LMBR1: variants seen among roughly 807,000 people sequenced by gnomAD.
The protein encoded by LMBR1 is limb development membrane protein 1.
In LMBR1, 52 loss-of-function variants were observed where a neutral mutation model predicts 73.9. The observed-to-expected ratio is 0.70, with a 90% CI of 0.56 to 0.89. The LOEUF is 0.89. LMBR1 is among the 40% of genes least tolerant of loss of function. The pLI, the probability that LMBR1 is intolerant of heterozygous loss-of-function variation, is 0.00. For synonymous variants in LMBR1, 215 were observed against 209.4 expected (o/e 1.03, Z -0.23); for missense variants, 539 against 579.8 (o/e 0.93, Z 0.72).
Position 156,833,753 on chromosome 7 carries a change from G to A in LMBR1, c.179C>T (p.Ser60Leu), listed in dbSNP as rs765557728. ...EDEDAIVNRI[S>L]LFLSTFTLAV... ...AACAACTGAACTTTAAAATACATACGAAATCCTGTTGACGATGGCATCTTC... is the reference window on the plus strand; with the variant it reads ...AACAACTGAACTTTAAAATACATACAAAATCCTGTTGACGATGGCATCTTC... Residue 60 changes from serine (S) to leucine (L), a missense_variant and splice_region_variant, in exon 3 of 17, where the codon TCG becomes TTG. Around this residue, in one of 3 missense-constraint regions of LMBR1, gnomAD observed 454 missense variants for 473.4 expected, o/e 0.96. Transcript: ENST00000353442. The A allele has an allele frequency of 5.6e-6, 9 of 1,596,986 alleles. No individual in the cohort carries two copies. The highest frequency in any genetic ancestry group is 7.7e-6 in the Non-Finnish European group (9 of 1,171,138).
intron 4 of LMBR1, among the ~76,000 whole-genome samples, chr7:156,805,391 T>C (rs1831844583): frequency 6.6e-6 from 1 of 152,052 alleles, no homozygotes; most frequent in Non-Finnish European, 1.5e-5. Flanking sequence ...AATTTTTGTA[T>C]TTTTAGTAGA....
chr7:156,774,657 C>A (rs1438731290), intron 5 of LMBR1, among the ~76,000 whole-genome samples: 1 of 152,054 alleles, frequency 6.6e-6, no homozygotes, highest in Non-Finnish European at 1.5e-5. Context: ...CATGGTGAAA[C>A]CTCATCTCTA....
chr7:156,871,481 A>C (rs146133901), intron 1 of LMBR1, among the ~76,000 whole-genome samples: 24 of 152,360 alleles, frequency 1.6e-4, no homozygotes, highest in African/African-American at 5.8e-4. Context: ...CCAGACAAAG[A>C]AGCCATAAGA....
intron 1 of LMBR1, among the ~76,000 whole-genome samples, chr7:156,862,432 G>A (rs140901481): frequency 2.4e-3 from 358 of 151,200 alleles, no homozygotes; most frequent in Non-Finnish European, 4.2e-3. Context: ...ACAGCCAAAC[G>A]ATATTGTGGA....
chr7:156,739,479 G>A (rs934105509), intron 9 of LMBR1, among the ~76,000 whole-genome samples: 4 of 152,166 alleles, frequency 2.6e-5, no homozygotes, highest in Admixed American at 6.5e-5. Flanking sequence ...GTTTACAGTG[G>A]GCTTTGAGTG....
chr7:156,798,115 G>T (rs112244013), intron 4 of LMBR1, among the ~76,000 whole-genome samples: 4,841 of 152,264 alleles, frequency 0.032, 124 homozygotes, highest in South Asian at 0.085. Context: ...AGACCTGGGT[G>T]CACGTCCTGC....
rs540633011 is a variant in LMBR1 at position 156,841,072 on chromosome 7, G to A, written c.67-4187C>T. ...TGCAGGAAGCCGAGAGCAGCCACTCGGACCTGTGCAAGGAGGTGCTCAGAA... is the reference window on the plus strand; with the variant it reads ...TGCAGGAAGCCGAGAGCAGCCACTCAGACCTGTGCAAGGAGGTGCTCAGAA... On this transcript the variant is annotated intron_variant, in intron 1 of 16. Transcript: ENST00000353442. 6.6e-5 allele frequency among the ~76,000 whole-genome samples: 10 copies of A among 151,958 alleles called. 1 individual carries two copies. Among genetic ancestry groups the A allele is most frequent in the African/African-American group, 1.9e-4 (8 of 41,422 alleles).
intron 4 of LMBR1, among the ~76,000 whole-genome samples, chr7:156,801,332 A>AT (rs1435556230): frequency 1.3e-5 from 2 of 152,194 alleles, no homozygotes; most frequent in Non-Finnish European, 2.9e-5. Flanking sequence ...AATTGTTACC[A>AT]TTTTTTAGCA....
chr7:156,778,548 A>C (rs560572780), intron 5 of LMBR1, among the ~76,000 whole-genome samples: 144 of 152,374 alleles, frequency 9.5e-4, no homozygotes, highest in African/African-American at 3.2e-3. Context: ...TGTTCATTAA[A>C]TGCAAGGTGG....
Position 156,698,488 on chromosome 7 carries a change from T to C in LMBR1, c.1226-10297A>G, listed in dbSNP as rs1225488762. ...ACTTCTGCCTGGGAACCCAGGTGTT[T>C]CCATACATCTTCTGAAATCTAGGTG... is the stretch of plus-strand genomic sequence containing the variant. On this transcript the variant is annotated intron_variant, in intron 15 of 16. Transcript: ENST00000353442. Among the ~76,000 whole-genome samples the C allele has an allele frequency of 2.0e-5, 3 of 152,130 alleles. No individual in the cohort carries two copies. In the East Asian group the frequency reaches 5.8e-4, roughly 29 times the overall value.
chr7:156,670,712 G>A lies in LMBR1; in HGVS notation n.867-1425C>T, dbSNP rs1251120203. 6.6e-6 allele frequency among the ~76,000 whole-genome samples: 1 copy of A among 152,172 alleles called. No homozygotes were observed. Among genetic ancestry groups the A allele is most frequent in the Non-Finnish European group, 1.5e-5 (1 of 68,036 alleles). The stretch of plus-strand genomic sequence containing the variant: ...GAGATGGCATCTCCGTGTGTCGGGA[G>A]AGACCTAACCGCCAGTCTAGACTCC... On this transcript the variant is annotated intron_variant and non_coding_transcript_variant, in intron 4 of 4. Transcript: ENST00000430825. The surrounding 1 kb of genome is among the most constrained non-coding windows in gnomAD (Gnocchi z 4.3).
chr7:156,725,492 A>G lies in LMBR1; in HGVS notation c.1101T>C (p.Tyr367=). ...YLMVSSVVGF[Y]SLRFFGNFTP... ...TAAAGTTTCCAAAAAATCGAAGGCT[A>G]TAGAAGCCGACAACAGAGGACACCA... Residue 367 remains tyrosine (Y), a synonymous_variant, in exon 14 of 17, where the codon TAT becomes TAC. Transcript: ENST00000353442. The G allele has an allele frequency of 1.9e-6, 3 of 1,610,588 alleles. No homozygotes were observed. Among genetic ancestry groups the G allele is most frequent in the Non-Finnish European group, 2.5e-6 (3 of 1,177,854 alleles).
downstream of LMBR1, chr7:156,676,242 T>C (rs923546247): frequency 6.4e-5 from 96 of 1,501,012 alleles, no homozygotes; most frequent in Admixed American, 2.0e-3. Flanking sequence ...AGTATATGTG[T>C]GTGTATATAT....
At chr7:156,673,603 C>A (rs1563099659), downstream of LMBR1, among the ~76,000 whole-genome samples, 1 of 152,158 alleles carries the variant, frequency 6.6e-6, no homozygotes, top group Non-Finnish European at 1.5e-5. Context: ...TCCCAAAACA[C>A]AGGTGCCTGG....
At chr7:156,735,480 T>G (rs1218616326) in intron 9 of LMBR1, among the ~76,000 whole-genome samples, 1 of 151,944 alleles carries the variant, frequency 6.6e-6, no homozygotes, top group Non-Finnish European at 1.5e-5. Flanking sequence ...CCTGTTAAAT[T>G]CTGAAACAGA....
intron 14 of LMBR1, among the ~76,000 whole-genome samples, chr7:156,725,048 A>C (rs73166110): frequency 0.035 from 5,284 of 152,228 alleles, 139 homozygotes; most frequent in Non-Finnish European, 0.045. Flanking sequence ...TAATTATTCA[A>C]ATTTGAAATA....
At chr7:156,730,923 C>T (rs1035073461) in intron 10 of LMBR1, among the ~76,000 whole-genome samples, 16 of 149,686 alleles carry the variant, frequency 1.1e-4, no homozygotes, top group South Asian at 4.2e-4. Flanking sequence ...GCAACAAGAG[C>T]GAAACTCCAT....
intron 15 of LMBR1, among the ~76,000 whole-genome samples, chr7:156,718,896 G>T (rs1264741657): frequency 6.6e-6 from 1 of 151,246 alleles, no homozygotes; most frequent in African/African-American, 2.4e-5. Flanking sequence ...AATTTAATTG[G>T]ATTAAAAACT....
chr7:156,866,996 G>C (rs1274636699), intron 1 of LMBR1, among the ~76,000 whole-genome samples: 2 of 152,048 alleles, frequency 1.3e-5, no homozygotes, highest in Non-Finnish European at 2.9e-5. Flanking sequence ...ACTTTGTTTG[G>C]GTCGGATGTA....
Sources: gnomAD v4.1 joint callset for allele counts (sites outside exome capture counted in the v4.1 genomes callset) on GRCh38, gnomAD v4.1.1 for gene constraint, gnomAD v4.1.1 regional missense constraint, Gnocchi (gnomAD v3.1) non-coding constraint, MANE v1.5 for transcripts, NCBI Gene and HGNC (gene_info 2026-07-23, HGNC 2026-07-21) for gene names.